LHFPL6: variants seen among roughly 807,000 people sequenced by gnomAD.
The protein encoded by LHFPL6 is LHFPL tetraspan subfamily member 6.
Under a neutral mutation model 20.6 loss-of-function variants are expected in LHFPL6, and 9 were observed. The observed-to-expected ratio is 0.44, with a 90% CI of 0.26 to 0.76. The LOEUF (loss-of-function observed/expected upper bound fraction) is 0.76. Among genes scored for constraint, LHFPL6 ranks in the 30% least tolerant of loss-of-function variants. LHFPL6 has a pLI of 0.20. For missense variants in LHFPL6, 218 were observed against 253.5 expected (o/e 0.86, Z 0.95); for synonymous variants, 105 against 98.7 (o/e 1.06, Z -0.38).
intron 3 of LHFPL6, among the ~76,000 whole-genome samples, chr13:39,377,912 A>C (rs1870334202): frequency 6.6e-6 from 1 of 152,176 alleles, no homozygotes; most frequent in African/African-American, 2.4e-5. Context: ...GCTATACTGT[A>C]TTCCTCACCT....
intron 2 of LHFPL6, among the ~76,000 whole-genome samples, chr13:39,396,944 T>C (rs1351841411): frequency 6.6e-6 from 1 of 152,074 alleles, no homozygotes; most frequent in Non-Finnish European, 1.5e-5. Context: ...GAGAAACTTC[T>C]CTAGAACCTT....
At chr13:39,401,158 C>G (rs1200698847) in intron 2 of LHFPL6, among the ~76,000 whole-genome samples, 1 of 152,128 alleles carries the variant, frequency 6.6e-6, no homozygotes, top group East Asian at 1.9e-4. Context: ...AATTACATAA[C>G]CCCTGAAATC....
intron 3 of LHFPL6, among the ~76,000 whole-genome samples, chr13:39,358,807 C>T (rs1869795948): frequency 6.6e-6 from 1 of 152,186 alleles, no homozygotes; most frequent in South Asian, 2.1e-4. Flanking sequence ...CTCATCATCA[C>T]TAATCATCAG....
At chr13:39,351,766 C>G (rs976196597) in intron 3 of LHFPL6, among the ~76,000 whole-genome samples, 1 of 152,188 alleles carries the variant, frequency 6.6e-6, no homozygotes, top group African/African-American at 2.4e-5. Flanking sequence ...ATAGTTCAAC[C>G]ACTCATATAC....
At chr13:39,502,162 C>CA (rs1869314434) in intron 2 of LHFPL6, among the ~76,000 whole-genome samples, 1 of 152,188 alleles carries the variant, frequency 6.6e-6, no homozygotes, top group South Asian at 2.1e-4. Flanking sequence ...ACAAACACCT[C>CA]AAAATGGCCT....
At chr13:39,566,200 T>A (rs1045650542) in intron 2 of LHFPL6, among the ~76,000 whole-genome samples, 1 of 152,144 alleles carries the variant, frequency 6.6e-6, no homozygotes, top group African/African-American at 2.4e-5. Flanking sequence ...TCTCAGCCCC[T>A]CATTAAGAAG....
chr13:39,375,508 C>A (rs548144319), intron 3 of LHFPL6, among the ~76,000 whole-genome samples: 1 of 151,984 alleles, frequency 6.6e-6, no homozygotes, highest in African/African-American at 2.4e-5. Flanking sequence ...CTGGCCAACA[C>A]GGCGAAACCC....
chr13:39,399,072 C>CTAGTGCCACT (rs1219260034), intron 2 of LHFPL6, among the ~76,000 whole-genome samples: 2 of 152,194 alleles, frequency 1.3e-5, no homozygotes, highest in Non-Finnish European at 2.9e-5. Context: ...TAGTGCCTTC[C>CTAGTGCCACT]TAGTGCCACT....
chr13:39,490,184 C>T (rs924384257), intron 2 of LHFPL6, among the ~76,000 whole-genome samples: 6 of 152,028 alleles, frequency 3.9e-5, no homozygotes, highest in Non-Finnish European at 8.8e-5. Flanking sequence ...GTGCAAAACA[C>T]GCAGGAATTG....
intron 2 of LHFPL6, among the ~76,000 whole-genome samples, chr13:39,593,598 G>T (rs1207960733): frequency 6.6e-6 from 1 of 152,004 alleles, no homozygotes; most frequent in Non-Finnish European, 1.5e-5. Flanking sequence ...TTTCTTCACA[G>T]AATTGGAAAA....
At chr13:39,455,594 T>C (rs1216949033) in intron 2 of LHFPL6, among the ~76,000 whole-genome samples, 2 of 152,196 alleles carry the variant, frequency 1.3e-5, no homozygotes, top group African/African-American at 4.8e-5. Context: ...TGACTCCTGC[T>C]CAGAAGCCTA....
intron 3 of LHFPL6, among the ~76,000 whole-genome samples, chr13:39,359,761 C>T (rs558845040): frequency 4.6e-5 from 7 of 151,860 alleles, no homozygotes; most frequent in Non-Finnish European, 1.0e-4. Flanking sequence ...TGCACATGTA[C>T]CCCCAGAATC....
At chr13:39,365,761 A>G (rs539504489) in intron 3 of LHFPL6, among the ~76,000 whole-genome samples, 32 of 152,310 alleles carry the variant, frequency 2.1e-4, no homozygotes, top group Non-Finnish European at 4.6e-4. Context: ...ACTGCTAGGG[A>G]AAATGCAGCA....
At chr13:39,417,310 C>A (rs1305881440) in intron 2 of LHFPL6, among the ~76,000 whole-genome samples, 1 of 152,194 alleles carries the variant, frequency 6.6e-6, no homozygotes, top group East Asian at 1.9e-4. Flanking sequence ...GACTTGGGTG[C>A]CCCCAGAGGC....
intron 2 of LHFPL6, among the ~76,000 whole-genome samples, chr13:39,553,424 A>G (rs780908541): frequency 1.1e-4 from 17 of 152,216 alleles, no homozygotes; most frequent in Non-Finnish European, 2.2e-4. Context: ...TCAAAACTTC[A>G]GGCACGGCCA....
Position 39,600,878 on chromosome 13 carries a change from G to C in LHFPL6, c.339C>G (p.Ile113Met). Residue 113 changes from isoleucine to methionine, a missense_variant, in exon 2 of 4, where the codon ATC (isoleucine) becomes ATG (methionine). By Grantham distance (10) the Ile-to-Met change is conservative. Coordinates refer to ENST00000379589, the MANE Select transcript of LHFPL6 (RefSeq NM_005780.3). ...ALMGCCVSDL[I>M]SRTVGRVAGG... ...CAGCCACTCTTCCCACTGTCCTGGA[G>C]ATGAGGTCGGAAACACAGCAACCCA... 1.3e-6 allele frequency: 2 copies of C among 1,538,670 alleles called. No homozygotes were observed. The highest frequency in any genetic ancestry group is 1.8e-6 in the Non-Finnish European group (2 of 1,140,446).
At chr13:39,503,619 A>G (rs1339946727) in intron 2 of LHFPL6, among the ~76,000 whole-genome samples, 3 of 152,220 alleles carry the variant, frequency 2.0e-5, no homozygotes, top group Admixed American at 2.0e-4. Context: ...AAGCACCTAG[A>G]ACAGTGCTTG....
intron 2 of LHFPL6, among the ~76,000 whole-genome samples, chr13:39,496,674 T>C (rs1288282169): frequency 1.3e-5 from 2 of 152,200 alleles, no homozygotes; most frequent in African/African-American, 2.4e-5. Flanking sequence ...TGCAGCTTCA[T>C]GAATGGCTAG....
At chr13:39,528,810 T>G (rs1870370697) in intron 2 of LHFPL6, among the ~76,000 whole-genome samples, 1 of 152,232 alleles carries the variant, frequency 6.6e-6, no homozygotes, top group African/African-American at 2.4e-5. Flanking sequence ...CCCTGTAAAT[T>G]CATTTTTCCC....
Sources: allele counts gnomAD v4.1 joint callset (sites outside exome capture counted in the v4.1 genomes callset), GRCh38; gene constraint gnomAD v4.1.1; transcripts MANE v1.5; gene names NCBI Gene and HGNC (gene_info 2026-07-23, HGNC 2026-07-21).